KIF1B: variants seen among roughly 807,000 people sequenced by gnomAD.
The protein encoded by KIF1B is kinesin-like protein KIF1B.
Under a neutral mutation model 241.9 loss-of-function variants are expected in KIF1B, and 76 were observed. The ratio of observed to expected loss-of-function variants is 0.31; its 90% CI spans 0.26 to 0.38. KIF1B has a LOEUF of 0.38. Among genes scored for constraint, KIF1B ranks in the 10% least tolerant of loss-of-function variants. The pLI, the probability that KIF1B is intolerant of heterozygous loss-of-function variation, is 1.00. For synonymous variants in KIF1B, 750 were observed against 796.7 expected (o/e 0.94, Z 0.99); for missense variants, 1,622 against 2,271.4 (o/e 0.71, Z 5.81).
chr1:10,228,864 T>C (rs778839486), intron 1 of KIF1B, among the ~76,000 whole-genome samples: 3 of 152,208 alleles, frequency 2.0e-5, no homozygotes, highest in Non-Finnish European at 2.9e-5. Flanking sequence ...TTGTGAATAA[T>C]GTTGGTAATA....
At chr1:10,293,881 T>C (rs927155574) in intron 17 of KIF1B, among the ~76,000 whole-genome samples, 1 of 152,202 alleles carries the variant, frequency 6.6e-6, no homozygotes, top group Admixed American at 6.5e-5. Flanking sequence ...AAGGAAGGGA[T>C]ATACCAGTGA....
intron 2 of KIF1B, among the ~76,000 whole-genome samples, chr1:10,245,729 G>C (rs35655215): frequency 6.6e-6 from 1 of 152,198 alleles, no homozygotes; most frequent in Non-Finnish European, 1.5e-5. Context: ...AGAGTGAGCA[G>C]AGCAAGTTAT....
chr1:10,308,115 G>A, intron 22 of KIF1B: 1 of 1,060,956 alleles, frequency 9.4e-7, no homozygotes, highest in Non-Finnish European at 1.1e-6. Context: ...CCTGCAGTCA[G>A]CTGCTGTGCC....
At chr1:10,290,626 C>A (rs576371646) in intron 15 of KIF1B, among the ~76,000 whole-genome samples, 2 of 151,810 alleles carry the variant, frequency 1.3e-5, no homozygotes, top group Non-Finnish European at 2.9e-5. Context: ...GGATTACAGG[C>A]GCCTGCCACC....
At chr1:10,341,901 G>A in intron 32 of KIF1B, 149 bp from the exon 33 acceptor site, 1 of 661,112 alleles carries the variant, frequency 1.5e-6, no homozygotes, top group South Asian at 1.7e-5. Flanking sequence ...AGCCCGGGAG[G>A]GTGAGGCCGC....
chr1:10,365,170 A>T lies in KIF1B; in HGVS notation c.4437A>T (p.Ala1479=). ...ATGTGCGGGGAGAAGAGAACTTAGC[A>T]GGCTGGCGGCCCCGTGGAGACAGCC... ...VAYVRGEENL[A]GWRPRGDSLI... is the part of the protein sequence containing the mutation. The change falls in exon 42 of 49, where the codon GCA becomes GCT. Residue 1479 remains alanine, a synonymous_variant. Coordinates refer to ENST00000676179, the MANE Select transcript of KIF1B (RefSeq NM_001365951.3). The surrounding 1 kb of genome is among the most constrained non-coding windows in gnomAD (Gnocchi z 4.0). 2 of 1,614,096 alleles carry T rather than the reference A, an allele frequency of 1.2e-6. No homozygotes were observed. Among genetic ancestry groups the T allele is most frequent in the Non-Finnish European group, 8.5e-7 (1 of 1,180,024 alleles).
intron 17 of KIF1B, among the ~76,000 whole-genome samples, chr1:10,294,499 T>C (rs957931491): frequency 6.6e-6 from 1 of 152,214 alleles, no homozygotes; most frequent in African/African-American, 2.4e-5. Context: ...GTTCAGAGAA[T>C]TGGCCTGTCA....
At chr1:10,299,673 T>A (rs1390256060) in intron 22 of KIF1B, among the ~76,000 whole-genome samples, 1 of 152,194 alleles carries the variant, frequency 6.6e-6, no homozygotes, top group Non-Finnish European at 1.5e-5. Flanking sequence ...GAGTTTTCTA[T>A]TCTGATAGTT....
chr1:10,249,999 TG>T (rs1323571810), intron 2 of KIF1B, among the ~76,000 whole-genome samples: 1 of 152,124 alleles, frequency 6.6e-6, no homozygotes, highest in Non-Finnish European at 1.5e-5. Context: ...TTTGTGGAGA[TG>T]GGGTCTCACT....
At chr1:10,218,698 C>T (rs988680468) in intron 1 of KIF1B, among the ~76,000 whole-genome samples, 4 of 152,100 alleles carry the variant, frequency 2.6e-5, no homozygotes, top group East Asian at 3.9e-4. Context: ...TGGGATTATA[C>T]GCGTGAGCCA....
chr1:10,372,659 CAGAGCT>C (rs1241820612), intron 45 of KIF1B, among the ~76,000 whole-genome samples: 5 of 120,082 alleles, frequency 4.2e-5, no homozygotes, highest in South Asian at 3.2e-4. Flanking sequence ...GCTTGGGTGA[CAGAGCT>C]GTCACCCAAG....
At position 10,303,531 on chromosome 1, in the gene KIF1B, G is replaced by A; in HGVS notation, c.2115+6285G>A. ...ATGGCAAGAAAGACCCCAATGAGCGGGACTCCTGGAGGGCAGTGGCCAGGG... is the reference window on the plus strand; with the variant it reads ...ATGGCAAGAAAGACCCCAATGAGCGAGACTCCTGGAGGGCAGTGGCCAGGG... On this transcript the variant is annotated intron_variant, in intron 22 of 48. Transcript: ENST00000676179. The surrounding 1 kb of genome is among the most constrained non-coding windows in gnomAD (Gnocchi z 5.2). 1.2e-6 allele frequency: 2 copies of A among 1,614,198 alleles called. No individual in the cohort carries two copies. Among genetic ancestry groups the A allele is most frequent in the Admixed American group, 3.3e-5 (2 of 60,008 alleles).
intron 38 of KIF1B, among the ~76,000 whole-genome samples, chr1:10,357,589 C>T (rs1271762632): frequency 6.6e-5 from 10 of 152,116 alleles, no homozygotes; most frequent in East Asian, 1.9e-4. Context: ...ATTAATTAGC[C>T]GGGTGTGGTG....
chr1:10,351,012 T>G (rs1652771825), intron 37 of KIF1B, among the ~76,000 whole-genome samples: 2 of 144,598 alleles, frequency 1.4e-5, no homozygotes, highest in South Asian at 2.1e-4. Flanking sequence ...TGCTTGAACC[T>G]GAGAAGTCGA....
chr1:10,306,429 T>G lies in KIF1B; in HGVS notation c.2115+9183T>G, dbSNP rs8019. 356,793 of 995,492 alleles carry G rather than the reference T, an allele frequency of 0.36. 64,891 individuals are homozygous for G. The highest frequency in any genetic ancestry group is 0.47 in the African/African-American group (27,475 of 58,714). The allele number at this position is 995,492 out of a possible 1,614,324, so 61.7% of individuals were successfully genotyped here. A position where few individuals can be genotyped will look rare whatever the true frequency, so the allele number is the denominator to read the frequency against. On this transcript the variant is annotated intron_variant, in intron 22 of 48. Coordinates refer to ENST00000676179, the MANE Select transcript of KIF1B (RefSeq NM_001365951.3). ...TAAATGTGCTAACTATTCCTTTCTA[T>G]ACACAATTTATTTTCTAAGATTAAA... is the stretch of plus-strand genomic sequence containing the variant.
chr1:10,231,814 C>CAG (rs1646987292), intron 1 of KIF1B, among the ~76,000 whole-genome samples: 2 of 152,050 alleles, frequency 1.3e-5, no homozygotes, highest in South Asian at 4.1e-4. Context: ...CAGAAACACA[C>CAG]ACAGAGAGAG....
chr1:10,319,025 G>A (rs1244771591), intron 22 of KIF1B, among the ~76,000 whole-genome samples: 1 of 151,802 alleles, frequency 6.6e-6, no homozygotes, highest in Non-Finnish European at 1.5e-5. Context: ...GCCCCTTTGG[G>A]GTGATATTAC....
At chr1:10,298,219 G>A (rs1174122713) in intron 22 of KIF1B, among the ~76,000 whole-genome samples, 1 of 152,074 alleles carries the variant, frequency 6.6e-6, no homozygotes, top group African/African-American at 2.4e-5. Flanking sequence ...TAAGGTAAGG[G>A]GGCATTAGGG....
intron 22 of KIF1B, among the ~76,000 whole-genome samples, chr1:10,301,939 GTTTTC>G (rs1650563374): frequency 6.6e-6 from 1 of 152,160 alleles, no homozygotes; most frequent in African/African-American, 2.4e-5. Flanking sequence ...GCTAAGTAAG[GTTTTC>G]TGAAAAAGAG....
Sources: gnomAD v4.1 joint callset for allele counts (sites outside exome capture counted in the v4.1 genomes callset) on GRCh38, gnomAD v4.1.1 for gene constraint, Gnocchi (gnomAD v3.1) non-coding constraint, MANE v1.5 for transcripts, NCBI Gene and HGNC (gene_info 2026-07-23, HGNC 2026-07-21) for gene names.